The following KCTD5 variants were observed in gnomAD, a reference collection of about 807,000 sequenced individuals.
KCTD5 encodes potassium channel tetramerization domain containing 5.
Under a neutral mutation model 27.9 loss-of-function variants are expected in KCTD5, and 12 were observed. The observed-to-expected ratio is 0.43, with a 90% CI of 0.28 to 0.70. KCTD5 has a LOEUF of 0.70. Ranked by LOEUF, KCTD5 falls within the 30% of genes least tolerant of loss-of-function variation. KCTD5 has a pLI of 0.19. For synonymous variants in KCTD5, 147 were observed against 121.4 expected, an observed-to-expected ratio of 1.21 and a Z score of -1.39; for missense variants, 226 against 274.8, an observed-to-expected ratio of 0.82 and a Z score of 1.26.
chr16:2,702,710 C>T (rs974364196), intron 5 of KCTD5, among the ~76,000 whole-genome samples: 13 of 152,214 alleles, frequency 8.5e-5, no homozygotes, highest in African/African-American at 3.1e-4. Context: ...TGGAAGGGGC[C>T]CCAGGCCTGC....
intron 3 of KCTD5, chr16:2,699,076 G>A (rs777458578): frequency 6.6e-6 from 3 of 451,618 alleles, no homozygotes; most frequent in Admixed American, 4.8e-5. Flanking sequence ...TGTCACTCAG[G>A]CATCCCTGGC....
chr16:2,691,514 G>A (rs1250799923), intron 1 of KCTD5, among the ~76,000 whole-genome samples: 1 of 152,226 alleles, frequency 6.6e-6, no homozygotes, highest in African/African-American at 2.4e-5. Flanking sequence ...GAGGGCTGTG[G>A]GGGCAGCTGC....
intron 1 of KCTD5, among the ~76,000 whole-genome samples, chr16:2,687,501 G>A (rs560874084): frequency 2.6e-5 from 4 of 152,222 alleles, no homozygotes; most frequent in African/African-American, 9.6e-5. Context: ...CAGAAAGCTG[G>A]TCCACCTGCC....
chr16:2,692,165 G>A (rs770592318), intron 1 of KCTD5, among the ~76,000 whole-genome samples: 10 of 152,182 alleles, frequency 6.6e-5, no homozygotes, highest in Non-Finnish European at 2.9e-5. Flanking sequence ...AAAGCTCCAC[G>A]TCCCTGTGTC....
chr16:2,705,461 TG>T (rs2067631437), intron 5 of KCTD5, among the ~76,000 whole-genome samples: 1 of 152,114 alleles, frequency 6.6e-6, no homozygotes, highest in African/African-American at 2.4e-5. Flanking sequence ...GAGCCCCTCC[TG>T]GGGGCTGGGC....
At chr16:2,698,038 G>T in intron 3 of KCTD5, 41 bp downstream of exon 3, 1 of 1,443,594 alleles carries the variant, frequency 6.9e-7, no homozygotes, top group Non-Finnish European at 9.7e-7. Flanking sequence ...TATGGCTGGT[G>T]TGAAGGAAGG....
At chr16:2,699,245 G>T (rs919112333) in intron 3 of KCTD5, 1 of 455,930 alleles carries the variant, frequency 2.2e-6, no homozygotes. Context: ...CAGGCGGGCG[G>T]CCCTGGTGGC....
At chr16:2,703,750 C>T (rs1284165267) in intron 5 of KCTD5, among the ~76,000 whole-genome samples, 1 of 152,206 alleles carries the variant, frequency 6.6e-6, no homozygotes, top group Non-Finnish European at 1.5e-5. Context: ...TCCTGCTCCA[C>T]TGCCGTTCCT....
At chr16:2,703,333 T>C (rs977154740) in intron 5 of KCTD5, among the ~76,000 whole-genome samples, 33 of 152,210 alleles carry the variant, frequency 2.2e-4, no homozygotes, top group Non-Finnish European at 3.1e-4. Context: ...AGCTCTTGGC[T>C]GGGGTCTGCG....
At chr16:2,693,286 C>T (rs774641211) in intron 1 of KCTD5, among the ~76,000 whole-genome samples, 8 of 152,214 alleles carry the variant, frequency 5.3e-5, no homozygotes, top group Non-Finnish European at 1.0e-4. Context: ...CTCCCTGCAG[C>T]GGCAGGTATC....
intron 2 of KCTD5, 46 bp from the exon 3 acceptor site, chr16:2,697,860 G>T: frequency 7.4e-7 from 1 of 1,358,438 alleles, no homozygotes; most frequent in Non-Finnish European, 1.0e-6. Flanking sequence ...TGGATTCTTT[G>T]GTTTAGTTTG....
chr16:2,700,560 C>T (rs749492815), intron 4 of KCTD5, among the ~76,000 whole-genome samples: 5 of 152,184 alleles, frequency 3.3e-5, no homozygotes, highest in Admixed American at 1.3e-4. Flanking sequence ...CCCTTGCCCA[C>T]GACCTGGCTG....
chr16:2,692,347 G>C (rs1427951103), intron 1 of KCTD5, among the ~76,000 whole-genome samples: 2 of 152,186 alleles, frequency 1.3e-5, no homozygotes, highest in Non-Finnish European at 1.5e-5. Flanking sequence ...CAAGTGTTGG[G>C]ACAGTGCAGA....
intron 5 of KCTD5, 113 bp downstream of exon 5, chr16:2,702,591 G>A: frequency 1.4e-6 from 2 of 1,404,008 alleles, no homozygotes; most frequent in Non-Finnish European, 1.9e-6. Context: ...GTCCGCCCCT[G>A]GTGGCCTTGC....
At chr16:2,688,476 C>G (rs574165739) in intron 1 of KCTD5, among the ~76,000 whole-genome samples, 1 of 152,116 alleles carries the variant, frequency 6.6e-6, no homozygotes, top group Non-Finnish European at 1.5e-5. Flanking sequence ...GTCTCGAACT[C>G]CTGACCTCAG....
At chr16:2,691,245 C>T (rs926809795) in intron 1 of KCTD5, among the ~76,000 whole-genome samples, 3 of 152,232 alleles carry the variant, frequency 2.0e-5, no homozygotes, top group Middle Eastern at 3.2e-3. Context: ...CACCTCCACA[C>T]GCCACTGCCT....
In KCTD5 at chr16:2,699,749, A is replaced by G. The variant is rs553325317; in HGVS notation, c.454-72A>G. On this transcript the variant is annotated intron_variant, in intron 3 of 5. Coordinates refer to ENST00000301738, the MANE Select transcript of KCTD5 (RefSeq NM_018992.4). ...GAGTGGACCTCAGCCTCCCTGGGTCACCTGGGCTGGGGCCACAGGCAGCAG... is the reference window on the plus strand; with the variant it reads ...GAGTGGACCTCAGCCTCCCTGGGTCGCCTGGGCTGGGGCCACAGGCAGCAG... The G allele has an allele frequency of 2.1e-6, 3 of 1,417,728 alleles. No individual in the cohort carries two copies. The East Asian group carries it at 6.9e-5, about 32-fold the overall frequency. The allele number at this position is 1,417,728 out of a possible 1,614,324, so 87.8% of individuals were successfully genotyped here.
At chr16:2,705,503 T>A (rs2067631716) in intron 5 of KCTD5, among the ~76,000 whole-genome samples, 1 of 152,130 alleles carries the variant, frequency 6.6e-6, no homozygotes, top group Admixed American at 6.5e-5. Context: ...CCAGCCCTAG[T>A]GGGTGACCTT....
chr16:2,700,085 T>C (rs2067604263), intron 4 of KCTD5, among the ~76,000 whole-genome samples, 169 bp downstream of exon 4: 1 of 152,214 alleles, frequency 6.6e-6, no homozygotes, highest in South Asian at 2.1e-4. Flanking sequence ...TGGAGGAGCC[T>C]TGGGAGTTCG....
Sources: gnomAD v4.1 joint callset for allele counts (sites outside exome capture counted in the v4.1 genomes callset) on GRCh38, gnomAD v4.1.1 for gene constraint, MANE v1.5 for transcripts, NCBI Gene and HGNC (gene_info 2026-07-23, HGNC 2026-07-21) for gene names.